Variants in LYAR observed in about 807,000 individuals in gnomAD.
The protein encoded by LYAR is Ly1 antibody reactive.
In LYAR, 37 loss-of-function variants were observed where a neutral mutation model predicts 45.2. The observed-to-expected ratio is 0.82, with a 90% confidence interval of 0.63 to 1.08. The LOEUF is 1.08. Ranked by LOEUF, LYAR falls within the 50% of genes least tolerant of loss-of-function variation. The pLI, the probability that LYAR is intolerant of heterozygous loss-of-function variation, is 0.00. For synonymous variants in LYAR, 176 were observed against 155.1 expected (o/e 1.14, Z -1.00); for missense variants, 493 against 451.0 (o/e 1.09, Z -0.84).
intron 1 of LYAR, among the ~76,000 whole-genome samples, chr4:4,288,593 C>A (rs754970068): frequency 6.7e-6 from 1 of 149,170 alleles, no homozygotes; most frequent in Non-Finnish European, 1.5e-5. Flanking sequence ...TCAAGTGATT[C>A]TCCGGCCTCA....
In LYAR at chr4:4,276,564, C is replaced by T. The variant is rs192927617; in HGVS notation, c.430-1795G>A. Among the ~76,000 whole-genome samples, 245 of 138,278 alleles carry T rather than the reference C, an allele frequency of 1.8e-3. 1 individual carries two copies. Among genetic ancestry groups the T allele is most frequent in the African/African-American group, 6.4e-3 (223 of 34,862 alleles). 90.7% of individuals were successfully genotyped at this position (138,278 alleles called of 152,430 possible). A position where few individuals can be genotyped will look rare whatever the true frequency, so the allele number is the denominator to read the frequency against. On this transcript the variant is annotated intron_variant, in intron 6 of 9. Coordinates refer to ENST00000343470, the MANE Select transcript of LYAR (RefSeq NM_017816.3). ...GTCTCAAAAAAAAAAAAAAAGAAAA[C>T]GGATACTGTAGGCCGGGTGCGGTGG... is the stretch of plus-strand genomic sequence containing the variant.
intron 7 of LYAR, 31 bp downstream of exon 7, chr4:4,274,336 A>T: frequency 6.3e-7 from 1 of 1,583,394 alleles, no homozygotes; most frequent in Non-Finnish European, 8.6e-7. Flanking sequence ...CGGTTTTCAG[A>T]TGAATCCCAG....
chr4:4,273,644 CT>C lies in LYAR; in HGVS notation c.857del (p.Lys286ArgfsTer2). ...CCTCAGGATGCTCTGGGAGCTTCAT[CT>C]TTTTCTTCTTAGAATCTGTTTCAAC... Reference protein sequence around the residue: ...SEVETDSKKKKMKLPEHPEGG... With the variant: ...SEVETDSKKKXMKLPEHPEGG... On this transcript the variant is annotated frameshift_variant, in exon 8 of 10. Transcript: ENST00000343470. LOFTEE classifies it high-confidence loss of function. 6.2e-7 allele frequency: 1 copy of C among 1,612,412 alleles called. No individual in the cohort carries two copies. Among genetic ancestry groups the C allele is most frequent in the Non-Finnish European group, 8.5e-7 (1 of 1,178,938 alleles).
chr4:4,282,634 C>T (rs924346129), intron 3 of LYAR, among the ~76,000 whole-genome samples: 9 of 152,300 alleles, frequency 5.9e-5, no homozygotes, highest in Admixed American at 3.3e-4. Flanking sequence ...GCCAGCTTCT[C>T]GCCTGGACCT....
chr4:4,279,777 C>G (rs768180640), intron 4 of LYAR, 28 bp from the exon 5 acceptor site: 10 of 1,421,618 alleles, frequency 7.0e-6, no homozygotes, highest in African/African-American at 1.4e-5. Flanking sequence ...AAAAGAAAAA[C>G]TATTAATAAA....
At chr4:4,285,702 C>T (rs375271415) in intron 2 of LYAR, among the ~76,000 whole-genome samples, 8 of 152,336 alleles carry the variant, frequency 5.3e-5, no homozygotes, top group South Asian at 2.1e-4. Flanking sequence ...AACTTAGATA[C>T]GGCTTAGAGC....
Position 4,268,631 on chromosome 4 carries a change from T to C in LYAR, c.920-16A>G. 2 of 1,501,482 alleles carry C rather than the reference T, an allele frequency of 1.3e-6. No individual in the cohort carries two copies. Among genetic ancestry groups the C allele is most frequent in the Non-Finnish European group, 1.8e-6 (2 of 1,086,584 alleles). 93.0% of individuals were successfully genotyped at this position (1,501,482 alleles called of 1,614,324 possible). ...TTGAATTTACCTACAATATAAATAATAATATTTAAGACATTTCGTTTTGTT... is the reference window on the plus strand; with the variant it reads ...TTGAATTTACCTACAATATAAATAACAATATTTAAGACATTTCGTTTTGTT... On this transcript the variant is annotated splice_polypyrimidine_tract_variant and intron_variant, in intron 8 of 9. Coordinates refer to ENST00000343470, the MANE Select transcript of LYAR (RefSeq NM_017816.3).
chr4:4,289,016 T>C (rs1467055000), intron 1 of LYAR, among the ~76,000 whole-genome samples: 4 of 152,084 alleles, frequency 2.6e-5, no homozygotes, highest in African/African-American at 9.7e-5. Flanking sequence ...CTTCCACGGG[T>C]AGCATTCTGA....
intron 1 of LYAR, among the ~76,000 whole-genome samples, chr4:4,286,794 C>T (rs907656647): frequency 3.3e-5 from 5 of 151,850 alleles, no homozygotes; most frequent in African/African-American, 4.8e-5. Flanking sequence ...TTACAGGCAT[C>T]CGCCACCACG....
At position 4,268,530 on chromosome 4, in the gene LYAR, C is replaced by A. The variant is rs1417136830; in HGVS notation, c.1005G>T (p.Lys335Asn). ...ACGTGGGTTTGTTCATATGCCATAC[C>A]TTTTTCCTTAGCTTTTTGATGGTTA... is the stretch of plus-strand genomic sequence containing the variant. ...NEITIKKLRK[K>N]VLAQYYTVTD... The change falls in exon 9 of 10, where the codon AAG (lysine) becomes AAT (asparagine). Residue 335 changes from lysine to asparagine, a missense_variant and splice_region_variant. Transcript: ENST00000343470. 1.9e-6 allele frequency: 3 copies of A among 1,607,532 alleles called. No homozygotes were observed. In the African/African-American group the frequency reaches 4.0e-5, roughly 22 times the overall value.
At chr4:4,281,608 C>T (rs1373832387) in intron 4 of LYAR, among the ~76,000 whole-genome samples, 175 bp downstream of exon 4, 1 of 152,198 alleles carries the variant, frequency 6.6e-6, no homozygotes, top group African/African-American at 2.4e-5. Context: ...CGTGAGCCAC[C>T]ATGCCCAGCC....
chr4:4,286,740 G>A (rs933971619), intron 1 of LYAR, among the ~76,000 whole-genome samples, 168 bp from the exon 2 acceptor site: 11 of 149,916 alleles, frequency 7.3e-5, no homozygotes, highest in East Asian at 4.0e-4. Flanking sequence ...TCCGCCTCCC[G>A]GGTTCATGCC....
At chr4:4,284,050 G>T (rs112779017) in intron 2 of LYAR, among the ~76,000 whole-genome samples, 7 of 152,242 alleles carry the variant, frequency 4.6e-5, no homozygotes, top group African/African-American at 1.4e-4. Context: ...TTCAATCCCC[G>T]CAGTAACCCT....
intron 3 of LYAR, 54 bp from the exon 4 acceptor site, chr4:4,281,951 T>C: frequency 5.6e-6 from 6 of 1,077,306 alleles, no homozygotes; most frequent in Non-Finnish European, 7.2e-6. Flanking sequence ...TTGGAGGCGC[T>C]AATACCAGCA....
intron 2 of LYAR, among the ~76,000 whole-genome samples, chr4:4,284,618 C>T (rs199747268): frequency 1.3e-5 from 2 of 152,228 alleles, no homozygotes; most frequent in East Asian, 3.9e-4. Flanking sequence ...TGTCTGCACA[C>T]GCACATAAAC....
intron 5 of LYAR, 33 bp from the exon 6 acceptor site, chr4:4,279,563 T>C (rs773880578): frequency 3.8e-6 from 6 of 1,572,108 alleles, no homozygotes; most frequent in Non-Finnish European, 5.3e-6. Context: ...GAACTATTGA[T>C]CCCACTTGGA....
chr4:4,287,750 T>C (rs559625860), intron 1 of LYAR, among the ~76,000 whole-genome samples: 2 of 152,154 alleles, frequency 1.3e-5, no homozygotes, highest in Non-Finnish European at 2.9e-5. Flanking sequence ...TGGTGGTTAC[T>C]CAGCACCTGG....
At chr4:4,282,585 C>T (rs912685941) in intron 3 of LYAR, among the ~76,000 whole-genome samples, 1 of 152,168 alleles carries the variant, frequency 6.6e-6, no homozygotes, top group Non-Finnish European at 1.5e-5. Context: ...CAGTACCATC[C>T]GAATGCCTCA....
At chr4:4,275,312 C>T (rs901763358) in intron 6 of LYAR, among the ~76,000 whole-genome samples, 5 of 152,120 alleles carry the variant, frequency 3.3e-5, no homozygotes, top group Non-Finnish European at 7.4e-5. Context: ...AACACATGCC[C>T]AATAAACCAG....
Sources: allele counts gnomAD v4.1 joint callset (sites outside exome capture counted in the v4.1 genomes callset), GRCh38; gene constraint gnomAD v4.1.1; transcripts MANE v1.5; gene names NCBI Gene and HGNC (gene_info 2026-07-23, HGNC 2026-07-21).